Variants in CLSTN2 observed in about 807,000 individuals in gnomAD.
CLSTN2 encodes calsyntenin 2, also known as calsyntenin-2.
Under a neutral mutation model 101.2 loss-of-function variants are expected in CLSTN2, and 48 were observed. The ratio of observed to expected loss-of-function variants is 0.47; its 90% CI spans 0.38 to 0.60. The LOEUF is 0.60. CLSTN2 is among the 20% of genes least tolerant of loss of function. The pLI, the probability that CLSTN2 is intolerant of heterozygous loss-of-function variation, is 0.00. For synonymous variants in CLSTN2, 481 were observed against 463.6 expected (o/e 1.04, Z -0.48); for missense variants, 1,160 against 1,238.2 (o/e 0.94, Z 0.95).
intron 1 of CLSTN2, among the ~76,000 whole-genome samples, chr3:140,051,565 G>A (rs1300754161): frequency 6.6e-6 from 1 of 152,082 alleles, no homozygotes; most frequent in Admixed American, 6.6e-5. Context: ...CCAGGAGGAG[G>A]GATTATTCAC....
chr3:140,055,511 C>G (rs2107770282), intron 1 of CLSTN2, among the ~76,000 whole-genome samples: 1 of 152,268 alleles, frequency 6.6e-6, no homozygotes, highest in East Asian at 1.9e-4. Context: ...GACAGGTTAA[C>G]CAACCTGCAG....
chr3:140,069,183 A>G lies in CLSTN2; in HGVS notation c.110-106768A>G, dbSNP rs111374248. Among the ~76,000 whole-genome samples, 108 of 152,336 alleles carry G rather than the reference A, an allele frequency of 7.1e-4. 1 individual carries two copies. Among genetic ancestry groups the G allele is most frequent in the African/African-American group, 2.5e-3 (106 of 41,572 alleles). On this transcript the variant is annotated intron_variant, in intron 1 of 16. Transcript: ENST00000458420. ...GAGTTATCCTATCCTCATTCTCAGT[A>G]CAGACCAGCTCTTTGCAATGTGAGG... is the stretch of plus-strand genomic sequence containing the variant.
intron 2 of CLSTN2, among the ~76,000 whole-genome samples, chr3:140,310,314 C>T (rs2107916204): frequency 6.6e-6 from 1 of 152,136 alleles, no homozygotes; most frequent in South Asian, 2.1e-4. Context: ...TGGCTGGCCC[C>T]ACCCATCTCC....
chr3:140,012,533 G>A (rs545154713), intron 1 of CLSTN2, among the ~76,000 whole-genome samples: 11 of 152,264 alleles, frequency 7.2e-5, no homozygotes, highest in Non-Finnish European at 1.3e-4. Flanking sequence ...CATCGATGTT[G>A]CAGGGAAGAA....
chr3:140,144,102 A>G (rs1461235019), intron 1 of CLSTN2, among the ~76,000 whole-genome samples: 1 of 152,228 alleles, frequency 6.6e-6, no homozygotes, highest in Non-Finnish European at 1.5e-5. Flanking sequence ...GAAAAGCATC[A>G]AACTCAGTCA....
At chr3:140,525,220 G>C (rs1027587234) in intron 8 of CLSTN2, among the ~76,000 whole-genome samples, 23 of 152,062 alleles carry the variant, frequency 1.5e-4, no homozygotes, top group Non-Finnish European at 3.4e-4. Context: ...CAAATACAGA[G>C]AGAAGATCCC....
chr3:140,042,850 AACTCAT>A (rs2007789995), intron 1 of CLSTN2, among the ~76,000 whole-genome samples: 1 of 152,344 alleles, frequency 6.6e-6, no homozygotes, highest in African/African-American at 2.4e-5. Context: ...AAAAGACATG[AACTCAT>A]CCTTTTTTAT....
intron 7 of CLSTN2, among the ~76,000 whole-genome samples, chr3:140,464,379 G>A (rs565722524): frequency 7.9e-5 from 12 of 152,326 alleles, no homozygotes; most frequent in African/African-American, 2.9e-4. Flanking sequence ...TCTAATTCAA[G>A]AAAGTGAGCA....
rs1034459986 is a variant in CLSTN2 at position 140,566,281 on chromosome 3, A to G, written c.*28A>G. ...CCCAGGGGTCTGCTGCCTGGCCCAC[A>G]TGTCCCTTTTGTAAACCCTGACCCA... On this transcript the variant is annotated 3_prime_UTR_variant, in exon 17 of 17. Coordinates refer to ENST00000458420, the MANE Select transcript of CLSTN2 (RefSeq NM_022131.3). 1 of 1,547,788 alleles carries G rather than the reference A, an allele frequency of 6.5e-7. No individual in the cohort carries two copies. Among genetic ancestry groups the G allele is most frequent in the Non-Finnish European group, 8.7e-7 (1 of 1,144,718 alleles).
At chr3:140,245,662 A>C (rs1365980889) in intron 2 of CLSTN2, among the ~76,000 whole-genome samples, 2 of 9,356 alleles carry the variant, frequency 2.1e-4, no homozygotes, top group African/African-American at 2.4e-4. Flanking sequence ...CCGCCCTCCC[A>C]CAAAAAAAAT....
At chr3:140,454,342 C>A (rs771246460) in intron 6 of CLSTN2, 6 of 152,158 alleles carry the variant, frequency 3.9e-5, no homozygotes, top group Non-Finnish European at 8.8e-5. Flanking sequence ...CCAGATGAAG[C>A]AAAACCTAGT....
At chr3:140,486,152 C>A (rs1322942193) in intron 8 of CLSTN2, among the ~76,000 whole-genome samples, 1 of 151,704 alleles carries the variant, frequency 6.6e-6, no homozygotes, top group Non-Finnish European at 1.5e-5. Flanking sequence ...TGGGAAAAGA[C>A]CAATGTGTAT....
intron 1 of CLSTN2, among the ~76,000 whole-genome samples, chr3:139,973,370 A>G (rs1935750561): frequency 6.6e-6 from 1 of 152,250 alleles, no homozygotes; most frequent in Non-Finnish European, 1.5e-5. Flanking sequence ...TCAGGTCAGT[A>G]GCCAGAACAT....
At chr3:140,299,728 GC>G (rs1156354264) in intron 2 of CLSTN2, among the ~76,000 whole-genome samples, 2 of 152,166 alleles carry the variant, frequency 1.3e-5, no homozygotes, top group African/African-American at 4.8e-5. Context: ...AGACATCTTA[GC>G]CTCCATAGAC....
chr3:139,980,273 A>T (rs1273323883), intron 1 of CLSTN2, among the ~76,000 whole-genome samples: 3 of 152,034 alleles, frequency 2.0e-5, no homozygotes, highest in Non-Finnish European at 4.4e-5. Context: ...AGCTTCATCC[A>T]CACTGTTCTT....
chr3:140,513,978 TTC>T (rs915837195), intron 8 of CLSTN2, among the ~76,000 whole-genome samples: 1 of 152,160 alleles, frequency 6.6e-6, no homozygotes, highest in African/African-American at 2.4e-5. Context: ...TATTTGATTC[TTC>T]TCTCTTTTAT....
intron 1 of CLSTN2, among the ~76,000 whole-genome samples, chr3:140,169,950 T>C (rs1328671790): frequency 6.6e-6 from 1 of 152,192 alleles, no homozygotes; most frequent in Non-Finnish European, 1.5e-5. Context: ...ATCTTCATTT[T>C]ACAAATGAAG....
rs373108865 is a variant in CLSTN2, at chr3:140,170,956, A to G, written c.110-4995A>G. Among the ~76,000 whole-genome samples, 101 of 152,332 alleles carry G rather than the reference A, an allele frequency of 6.6e-4. 1 individual carries two copies. In the East Asian group the frequency reaches 0.015, roughly 23 times the overall value. On this transcript the variant is annotated intron_variant, in intron 1 of 16. Transcript: ENST00000458420. Reference sequence around the variant, plus strand: ...GCAACTTTAGATTTCATTGCCTGCCACTGAGCCTATCTAATTTAGACCATT... The same window carrying G: ...GCAACTTTAGATTTCATTGCCTGCCGCTGAGCCTATCTAATTTAGACCATT...
At chr3:140,336,431 G>A (rs2087440229) in intron 2 of CLSTN2, among the ~76,000 whole-genome samples, 1 of 152,158 alleles carries the variant, frequency 6.6e-6, no homozygotes, top group African/African-American at 2.4e-5. Context: ...GGTTAAGGAG[G>A]AATCATGAAG....
Sources: allele counts gnomAD v4.1 joint callset (sites outside exome capture counted in the v4.1 genomes callset), GRCh38; gene constraint gnomAD v4.1.1; transcripts MANE v1.5; gene names NCBI Gene and HGNC (gene_info 2026-07-23, HGNC 2026-07-21).